Variants in LARGE1 observed in about 807,000 individuals in gnomAD.
LARGE1 encodes the protein xylosyl- and glucuronyltransferase LARGE1.
In LARGE1, 43 loss-of-function variants were observed where a neutral mutation model predicts 87.6. The observed-to-expected ratio is 0.49, with a 90% CI of 0.38 to 0.63. The LOEUF (loss-of-function observed/expected upper bound fraction) is 0.63. Among genes scored for constraint, LARGE1 ranks in the 30% least tolerant of loss-of-function variants. LARGE1 has a pLI of 0.00. For missense variants in LARGE1, 802 were observed against 1,000.2 expected, an observed-to-expected ratio of 0.80 and a Z score of 2.67; for synonymous variants, 434 against 394.6, an observed-to-expected ratio of 1.10 and a Z score of -1.18.
chr22:33,847,986 A>G (rs2063481854), intron 1 of LARGE1, among the ~76,000 whole-genome samples: 1 of 152,200 alleles, frequency 6.6e-6, no homozygotes, highest in South Asian at 2.1e-4. Context: ...AGCCTGTTTC[A>G]ACGTTGCCAG....
chr22:33,805,047 A>G (rs190059994), intron 1 of LARGE1, among the ~76,000 whole-genome samples: 223 of 152,284 alleles, frequency 1.5e-3, no homozygotes, highest in African/African-American at 5.1e-3. Flanking sequence ...TTCTCTTGCA[A>G]TCTTCCCAGT....
In LARGE1 at chr22:33,409,922, T is replaced by A. The variant is rs78960977; in HGVS notation, c.892+22239A>T. Among the ~76,000 whole-genome samples, 1,442 of 150,784 alleles carry A rather than the reference T, an allele frequency of 9.6e-3. 24 individuals are homozygous for A. Among genetic ancestry groups the A allele is most frequent in the African/African-American group, 0.034 (1,381 of 40,990 alleles). On this transcript the variant is annotated intron_variant, in intron 7 of 14. Coordinates refer to ENST00000397394, the MANE Select transcript of LARGE1 (RefSeq NM_133642.5). The stretch of plus-strand genomic sequence containing the variant: ...GAATGTCCACAAATTCAAGCAGCTA[T>A]GGAGTCTAGGAGTTCAGTGATGGCT...
At chr22:33,517,642 G>T (rs146980005) in intron 6 of LARGE1, among the ~76,000 whole-genome samples, 1,699 of 151,894 alleles carry the variant, frequency 0.011, 36 homozygotes, top group African/African-American at 0.04. Context: ...CTTGTGATCC[G>T]CCTGCCTCAG....
At chr22:33,397,374 C>A (rs1037693955) in intron 7 of LARGE1, among the ~76,000 whole-genome samples, 4 of 152,208 alleles carry the variant, frequency 2.6e-5, no homozygotes. Context: ...CTTGGCCTCC[C>A]AAAGTGCTGG....
chr22:33,826,968 A>G (rs1298220665), intron 1 of LARGE1, among the ~76,000 whole-genome samples: 1 of 152,172 alleles, frequency 6.6e-6, no homozygotes, highest in Non-Finnish European at 1.5e-5. Context: ...CCTCCACCTG[A>G]AAAGGGTCTG....
the LARGE1 span, among the ~76,000 whole-genome samples, chr22:33,070,639 C>T: frequency 5.3e-5 from 8 of 152,132 alleles, no homozygotes; most frequent in African/African-American, 1.4e-4. Flanking sequence ...TCTGTGCAAC[C>T]GTGAGAGCAT....
rs117864670 is a variant in LARGE1, at chr22:33,427,654, T to C, written c.892+4507A>G. On this transcript the variant is annotated intron_variant, in intron 7 of 14. Coordinates refer to ENST00000397394, the MANE Select transcript of LARGE1 (RefSeq NM_133642.5). Reference sequence around the variant, plus strand: ...TTGATGTCTGCGGTTGAATCTGAATTAGCTGAAAAGAGTTATTCAGTTGGG... The same window carrying C: ...TTGATGTCTGCGGTTGAATCTGAATCAGCTGAAAAGAGTTATTCAGTTGGG... Among the ~76,000 whole-genome samples the C allele has an allele frequency of 2.8e-3, 421 of 152,326 alleles. 2 individuals are homozygous for C. Among genetic ancestry groups the C allele is most frequent in the Non-Finnish European group, 4.9e-3 (330 of 68,034 alleles).
the LARGE1 span, among the ~76,000 whole-genome samples, chr22:33,116,847 T>C: frequency 0.07 from 10,712 of 152,244 alleles, 531 homozygotes; most frequent in Middle Eastern, 0.17. Context: ...AAATAGAGCA[T>C]ACTACATGTT....
intron 3 of LARGE1, among the ~76,000 whole-genome samples, chr22:33,639,066 G>A (rs74580659): frequency 0.014 from 2,061 of 152,310 alleles, 41 homozygotes; most frequent in African/African-American, 0.047. Context: ...ATGTGACACT[G>A]TGTGGCTTCT....
At chr22:33,773,029 G>T (rs910637426) in intron 1 of LARGE1, among the ~76,000 whole-genome samples, 3 of 152,210 alleles carry the variant, frequency 2.0e-5, no homozygotes, top group Admixed American at 2.0e-4. Context: ...GGTCCCTGAG[G>T]CAATGGGGTA....
At chr22:33,090,719 T>C in the LARGE1 span, among the ~76,000 whole-genome samples, 3 of 152,196 alleles carry the variant, frequency 2.0e-5, no homozygotes, top group Admixed American at 6.5e-5. Context: ...AGAGTTCCTA[T>C]TGCATAGTTA....
intron 11 of LARGE1, among the ~76,000 whole-genome samples, chr22:33,257,604 C>T (rs1375558819): frequency 1.3e-5 from 2 of 152,078 alleles, no homozygotes; most frequent in Non-Finnish European, 2.9e-5. Context: ...ACACAGAAAG[C>T]CTTTAAATAG....
intron 6 of LARGE1, among the ~76,000 whole-genome samples, chr22:33,485,218 C>CTTTTTTT (rs35927122): frequency 4.1e-4 from 42 of 103,196 alleles, no homozygotes; most frequent in African/African-American, 1.3e-3. Flanking sequence ...CGGTCTGAGT[C>CTTTTTTT]TTTTTTTTTT....
chr22:33,581,929 G>T (rs2078532884), intron 5 of LARGE1, among the ~76,000 whole-genome samples: 1 of 152,010 alleles, frequency 6.6e-6, no homozygotes, highest in Non-Finnish European at 1.5e-5. Flanking sequence ...AGCTTCACAT[G>T]GCTGGGAATA....
chr22:33,457,194 C>T (rs9607048), intron 6 of LARGE1, among the ~76,000 whole-genome samples: 1 of 150,172 alleles, frequency 6.7e-6, no homozygotes, highest in Non-Finnish European at 1.5e-5. Context: ...GTGGCGTGAT[C>T]TTGGCTCACT....
intron 1 of LARGE1, among the ~76,000 whole-genome samples, chr22:33,838,110 G>A (rs900617854): frequency 8.5e-5 from 13 of 152,148 alleles, no homozygotes; most frequent in Non-Finnish European, 1.6e-4. Flanking sequence ...CAGTACTCTT[G>A]TTTTGATTTT....
chr22:33,118,139 G>C, the LARGE1 span, among the ~76,000 whole-genome samples: 4 of 151,946 alleles, frequency 2.6e-5, no homozygotes, highest in African/African-American at 7.2e-5. Flanking sequence ...ATCCCAGCAA[G>C]GAAAAAATAC....
At chr22:33,546,320 T>A (rs890243442) in intron 6 of LARGE1, among the ~76,000 whole-genome samples, 39 of 152,254 alleles carry the variant, frequency 2.6e-4, no homozygotes, top group African/African-American at 9.4e-4. Context: ...TGGTCCATTC[T>A]GTGCCTTTTG....
chr22:33,305,088 T>C (rs1464615542), intron 11 of LARGE1, among the ~76,000 whole-genome samples: 1 of 152,182 alleles, frequency 6.6e-6, no homozygotes, highest in Non-Finnish European at 1.5e-5. Context: ...GTGCCGTATG[T>C]TCAATCAGCT....
Sources: allele counts gnomAD v4.1 joint callset (sites outside exome capture counted in the v4.1 genomes callset), GRCh38; gene constraint gnomAD v4.1.1; transcripts MANE v1.5; gene names NCBI Gene and HGNC (gene_info 2026-07-23, HGNC 2026-07-21).